Variants in WDPCP observed in about 807,000 individuals in gnomAD.
WDPCP encodes WD repeat-containing and planar cell polarity effector protein fritz homolog.
A neutral mutation model predicts 93.1 loss-of-function variants in WDPCP; 71 were observed. The ratio of observed to expected loss-of-function variants is 0.76; its 90% CI spans 0.63 to 0.93. The LOEUF (loss-of-function observed/expected upper bound fraction) is 0.93, where lower values mean the gene tolerates loss of function less well. Ranked by LOEUF, WDPCP falls within the 40% of genes least tolerant of loss-of-function variation. The pLI is 0.00. For missense variants in WDPCP, 844 were observed against 887.4 expected (o/e 0.95, Z 0.62); for synonymous variants, 315 against 315.0 (o/e 1.00, Z 0.00).
intron 1 of WDPCP, among the ~76,000 whole-genome samples, chr2:63,513,496 C>T (rs768869619): frequency 3.3e-5 from 5 of 152,038 alleles, no homozygotes; most frequent in African/African-American, 4.8e-5. Flanking sequence ...GTATCTCAGA[C>T]GTTCTACTGC....
At chr2:63,239,948 T>G (rs1229739070) in intron 14 of WDPCP, among the ~76,000 whole-genome samples, 1 of 152,168 alleles carries the variant, frequency 6.6e-6, no homozygotes, top group African/African-American at 2.4e-5. Flanking sequence ...GAATAAATGA[T>G]TTTTTCACAG....
chr2:63,443,241 T>C (rs1353396349), intron 6 of WDPCP: 1 of 152,150 alleles, frequency 6.6e-6, no homozygotes, highest in East Asian at 1.9e-4. Flanking sequence ...TGCATTCAAG[T>C]GTGGACACAG....
At chr2:63,823,298 G>A (rs1057203399) in intron 1 of WDPCP, among the ~76,000 whole-genome samples, 4 of 151,690 alleles carry the variant, frequency 2.6e-5, no homozygotes, top group Admixed American at 6.6e-5. Context: ...ATGAGATCAG[G>A]AGTTCAAGAC....
chr2:63,564,401 A>G (rs962483512), intron 1 of WDPCP: 1 of 152,180 alleles, frequency 6.6e-6, no homozygotes, highest in Admixed American at 6.5e-5. Context: ...CCTCAATTTC[A>G]GCCACAGTTT....
intron 14 of WDPCP, among the ~76,000 whole-genome samples, chr2:63,201,993 C>T (rs1410735889): frequency 6.6e-6 from 1 of 151,670 alleles, no homozygotes; most frequent in East Asian, 1.9e-4. Context: ...GATTTAACTT[C>T]TATAAATTCT....
At chr2:63,515,745 C>T (rs575846383) in intron 1 of WDPCP, among the ~76,000 whole-genome samples, 8 of 152,300 alleles carry the variant, frequency 5.3e-5, no homozygotes, top group Admixed American at 2.0e-4. Context: ...CACCGCTGGG[C>T]ACAGTGGCTC....
intron 2 of WDPCP, among the ~76,000 whole-genome samples, chr2:63,701,815 G>C (rs1315560513): frequency 1.3e-5 from 2 of 152,126 alleles, no homozygotes; most frequent in Non-Finnish European, 1.5e-5. Flanking sequence ...TCATGAAATA[G>C]AGAACAGATT....
intron 9 of WDPCP, among the ~76,000 whole-genome samples, chr2:63,420,335 C>T (rs1337141637): frequency 7.2e-6 from 1 of 139,392 alleles, no homozygotes; most frequent in Non-Finnish European, 1.5e-5. Context: ...CCAGCCTGAC[C>T]AACATAGAGA....
chr2:63,708,715 C>A (rs755618827), intron 2 of WDPCP, among the ~76,000 whole-genome samples: 1 of 152,082 alleles, frequency 6.6e-6, no homozygotes, highest in Non-Finnish European at 1.5e-5. Flanking sequence ...TCCCAGCTCA[C>A]GCTGGGAGCT....
chr2:63,734,646 C>T (rs1669612939), intron 2 of WDPCP, among the ~76,000 whole-genome samples: 1 of 152,206 alleles, frequency 6.6e-6, no homozygotes, highest in Non-Finnish European at 1.5e-5. Flanking sequence ...CTTTAACAAA[C>T]ATTTGAACAT....
chr2:63,709,711 T>C (rs540664566), intron 2 of WDPCP, among the ~76,000 whole-genome samples: 1 of 152,366 alleles, frequency 6.6e-6, no homozygotes, highest in South Asian at 2.1e-4. Flanking sequence ...ATGATTTAAT[T>C]AGCATATTTT....
At chr2:63,593,698 C>T, upstream of WDPCP, 1 of 471,308 alleles carries the variant, frequency 2.1e-6, no homozygotes, top group Non-Finnish European at 4.4e-6. Flanking sequence ...TTCACCTTAA[C>T]TGAATTTTTC....
At position 63,638,820 on chromosome 2, in the gene WDPCP, A is replaced by T. The variant is rs1709949900; in HGVS notation, n.488+11839T>A. On this transcript the variant is annotated intron_variant and non_coding_transcript_variant, in intron 3 of 4. Transcript: ENST00000467687. Reference sequence around the variant, plus strand: ...AAGAAAAAAAAAAAAGGAAAAAATCAATGAAACAAAGAACTGTTTCCTTGA... The same window carrying T: ...AAGAAAAAAAAAAAAGGAAAAAATCTATGAAACAAAGAACTGTTTCCTTGA... 2.0e-5 allele frequency among the ~76,000 whole-genome samples: 3 copies of T among 151,164 alleles called. No homozygotes were observed. In the South Asian group the frequency reaches 6.3e-4, roughly 32 times the overall value.
intron 3 of WDPCP, among the ~76,000 whole-genome samples, chr2:63,618,479 T>G (rs1345735606): frequency 6.6e-6 from 1 of 152,210 alleles, no homozygotes; most frequent in Non-Finnish European, 1.5e-5. Context: ...TTTCCTGAAT[T>G]CATTTACTGC....
chr2:63,406,478 A>G (rs1365315697), intron 9 of WDPCP, among the ~76,000 whole-genome samples: 1 of 152,172 alleles, frequency 6.6e-6, no homozygotes, highest in Non-Finnish European at 1.5e-5. Flanking sequence ...TACACTTGTA[A>G]AGGAGAAAAA....
intron 1 of WDPCP, among the ~76,000 whole-genome samples, chr2:63,570,455 C>T (rs910025054): frequency 4.6e-5 from 7 of 152,164 alleles, no homozygotes; most frequent in Non-Finnish European, 8.8e-5. Flanking sequence ...AGGCTGTTGG[C>T]TCTTGTTTTC....
intron 3 of WDPCP, chr2:63,604,734 G>C: frequency 6.2e-7 from 1 of 1,614,088 alleles, no homozygotes; most frequent in Non-Finnish European, 8.5e-7. Flanking sequence ...ATGATGTAAA[G>C]AATGTCATTA....
intron 3 of WDPCP, chr2:63,606,817 G>A (rs369465135): frequency 2.1e-5 from 31 of 1,508,656 alleles, no homozygotes; most frequent in African/African-American, 4.2e-5. Flanking sequence ...CTTACTGAAA[G>A]ATCAGTTCCA....
intron 17 of WDPCP, among the ~76,000 whole-genome samples, chr2:63,127,614 C>T (rs1478096926): frequency 1.3e-5 from 2 of 148,316 alleles, no homozygotes; most frequent in East Asian, 2.0e-4. Context: ...CTTCAAGATG[C>T]TCTATTAATG....
Sources: gnomAD v4.1 joint callset for allele counts (sites outside exome capture counted in the v4.1 genomes callset) on GRCh38, gnomAD v4.1.1 for gene constraint, MANE v1.5 for transcripts, NCBI Gene and HGNC (gene_info 2026-07-23, HGNC 2026-07-21) for gene names.